The following MAGI3 variants were observed in gnomAD, a reference collection of about 807,000 sequenced individuals.
MAGI3 encodes membrane associated guanylate kinase, WW and PDZ domain containing 3, also known as membrane-associated guanylate kinase, WW and PDZ domain-containing protein 3.
MAGI3 carries 43 observed loss-of-function variants against 121.8 expected under a neutral mutation model. The ratio of observed to expected loss-of-function variants is 0.35; its 90% CI spans 0.28 to 0.46. The LOEUF is 0.46. MAGI3 is among the 20% of genes least tolerant of loss of function. The probability of loss-of-function intolerance (pLI) is 1.00; values close to 1 mark genes in which losing one functional copy is unlikely to be tolerated. For missense variants in MAGI3, 1,547 were observed against 1,797.3 expected, an observed-to-expected ratio of 0.86 and a Z score of 2.52; for synonymous variants, 553 against 639.3, an observed-to-expected ratio of 0.86 and a Z score of 2.04.
intron 1 of MAGI3, among the ~76,000 whole-genome samples, chr1:113,439,437 C>A (rs1390640713): frequency 1.3e-5 from 2 of 152,186 alleles, no homozygotes; most frequent in East Asian, 3.8e-4. Flanking sequence ...CCTTTCTTAT[C>A]ACCTGGCAAG....
intron 15 of MAGI3, among the ~76,000 whole-genome samples, chr1:113,657,737 T>C (rs987389382): frequency 1.3e-5 from 2 of 152,252 alleles, no homozygotes; most frequent in Non-Finnish European, 2.9e-5. Context: ...ATGCCTGATA[T>C]GACATGGCCC....
At chr1:113,541,926 G>A (rs1659306163) in intron 1 of MAGI3, among the ~76,000 whole-genome samples, 1 of 152,168 alleles carries the variant, frequency 6.6e-6, no homozygotes. Flanking sequence ...TTCTTCCCCA[G>A]CTCAAGTAAG....
At chr1:113,664,971 T>C (rs1436260006) in intron 16 of MAGI3, among the ~76,000 whole-genome samples, 1 of 152,192 alleles carries the variant, frequency 6.6e-6, no homozygotes, top group African/African-American at 2.4e-5. Context: ...TACCCTTTAT[T>C]ATACAGAAAT....
chr1:113,639,860 G>A (rs139350717), intron 9 of MAGI3, among the ~76,000 whole-genome samples: 3,429 of 152,118 alleles, frequency 0.023, 85 homozygotes, highest in South Asian at 0.044. Context: ...GAGCCACCGC[G>A]TCTGGCCTAA....
At chr1:113,444,826 C>T (rs1654091743) in intron 1 of MAGI3, among the ~76,000 whole-genome samples, 1 of 152,052 alleles carries the variant, frequency 6.6e-6, no homozygotes, top group African/African-American at 2.4e-5. Context: ...CTTAAAGATG[C>T]TTAGGGAACT....
At chr1:113,409,076 T>C (rs1651834435) in intron 1 of MAGI3, among the ~76,000 whole-genome samples, 1 of 152,060 alleles carries the variant, frequency 6.6e-6, no homozygotes, top group South Asian at 2.1e-4. Context: ...CTTTCTATAC[T>C]GGAAGGCATC....
chr1:113,515,978 A>G (rs1657879329), intron 1 of MAGI3, among the ~76,000 whole-genome samples: 1 of 152,028 alleles, frequency 6.6e-6, no homozygotes, highest in Non-Finnish European at 1.5e-5. Flanking sequence ...CCTGTGTACC[A>G]TAGGATGTTT....
intron 4 of MAGI3, among the ~76,000 whole-genome samples, chr1:113,586,064 AT>A (rs1199580853): frequency 4.6e-5 from 7 of 152,200 alleles, no homozygotes; most frequent in African/African-American, 1.7e-4. Flanking sequence ...TCAAAGAAAA[AT>A]TTCAAATATG....
intron 16 of MAGI3, among the ~76,000 whole-genome samples, chr1:113,660,372 A>G (rs975674860): frequency 1.3e-5 from 2 of 151,988 alleles, no homozygotes; most frequent in Non-Finnish European, 2.9e-5. Flanking sequence ...CTGCCCAGAA[A>G]GTGTTCTGTG....
intron 1 of MAGI3, among the ~76,000 whole-genome samples, chr1:113,439,871 T>C (rs1034301205): frequency 6.6e-6 from 1 of 151,998 alleles, no homozygotes; most frequent in East Asian, 1.9e-4. Context: ...TATTAAATAC[T>C]AGAGCCAGGA....
intron 1 of MAGI3, among the ~76,000 whole-genome samples, chr1:113,448,640 T>C (rs1466105498): frequency 6.6e-6 from 1 of 152,112 alleles, no homozygotes; most frequent in African/African-American, 2.4e-5. Flanking sequence ...AAAGCAATGA[T>C]TTATGGTATT....
intron 6 of MAGI3, among the ~76,000 whole-genome samples, chr1:113,606,270 G>T (rs1034049252): frequency 6.6e-6 from 1 of 152,062 alleles, no homozygotes; most frequent in Non-Finnish European, 1.5e-5. Flanking sequence ...CCCAGCCCAA[G>T]AAATAATTTT....
intron 1 of MAGI3, among the ~76,000 whole-genome samples, chr1:113,495,260 A>C (rs1294100106): frequency 6.6e-6 from 1 of 152,174 alleles, no homozygotes; most frequent in African/African-American, 2.4e-5. Flanking sequence ...TATAACACTT[A>C]AAACAATAAG....
chr1:113,549,531 A>G lies in MAGI3; in HGVS notation c.333A>G (p.Lys111=), dbSNP rs1451360053. The G allele has an allele frequency of 6.3e-7, 1 of 1,590,464 alleles. No individual in the cohort carries two copies. Among genetic ancestry groups the G allele is most frequent in the Non-Finnish European group, 8.6e-7 (1 of 1,169,274 alleles). Residue 111 remains lysine (K), a synonymous_variant, in exon 2 of 21, where the codon AAA becomes AAG. Coordinates refer to ENST00000307546, the MANE Select transcript of MAGI3 (RefSeq NM_001142782.2). ...TTGCTCCAGGCAAAGTCATTAATAAAGATTTGCGGCATTACCTAAGTCTTC... is the reference window on the plus strand; with the variant it reads ...TTGCTCCAGGCAAAGTCATTAATAAGGATTTGCGGCATTACCTAAGTCTTC... ...KTVKPGKVIN[K]DLRHYLSLQF...
At chr1:113,478,547 C>T (rs985410602) in intron 1 of MAGI3, among the ~76,000 whole-genome samples, 1 of 152,210 alleles carries the variant, frequency 6.6e-6, no homozygotes, top group Non-Finnish European at 1.5e-5. Context: ...GCCTGGGTAT[C>T]ACCAGCGGAG....
At chr1:113,580,246 TTG>T (rs1557834077) in intron 2 of MAGI3, among the ~76,000 whole-genome samples, 1 of 152,140 alleles carries the variant, frequency 6.6e-6, no homozygotes, top group Non-Finnish European at 1.5e-5. Context: ...ATATTATTTT[TTG>T]TCTTTCATGA....
At chr1:113,483,513 G>C (rs1656210354) in intron 1 of MAGI3, among the ~76,000 whole-genome samples, 1 of 152,178 alleles carries the variant, frequency 6.6e-6, no homozygotes, top group African/African-American at 2.4e-5. Context: ...CACCAAATGT[G>C]ACCATGCTGG....
intron 20 of MAGI3, 150 bp from the exon 21 acceptor site, chr1:113,682,743 TAGAG>T: frequency 3.1e-6 from 3 of 983,462 alleles, no homozygotes; most frequent in Non-Finnish European, 2.4e-6. Flanking sequence ...TCCGCCTTTA[TAGAG>T]AGATATGTTG....
chr1:113,634,857 AC>A (rs1014082562), intron 9 of MAGI3, among the ~76,000 whole-genome samples: 1 of 152,014 alleles, frequency 6.6e-6, no homozygotes, highest in African/African-American at 2.4e-5. Flanking sequence ...GATTCTTCCT[AC>A]CCATGAGCAT....
Sources: allele counts gnomAD v4.1 joint callset (sites outside exome capture counted in the v4.1 genomes callset), GRCh38; gene constraint gnomAD v4.1.1; transcripts MANE v1.5; gene names NCBI Gene and HGNC (gene_info 2026-07-23, HGNC 2026-07-21).